Variants in SGK1 observed in about 807,000 individuals in gnomAD.
SGK1 encodes the protein serine/threonine-protein kinase Sgk1.
A neutral mutation model predicts 64.2 loss-of-function variants in SGK1; 26 were observed. That is an observed-to-expected ratio of 0.40 (90% CI 0.30 to 0.56). SGK1 has a LOEUF of 0.56. SGK1 is among the 20% of genes least tolerant of loss of function. The pLI is 0.38. For synonymous variants in SGK1, 265 were observed against 239.7 expected (o/e 1.11, Z -0.98); for missense variants, 519 against 645.6 (o/e 0.80, Z 2.12).
At chr6:134,250,194 A>G (rs769803284) in intron 2 of SGK1, among the ~76,000 whole-genome samples, 3 of 152,230 alleles carry the variant, frequency 2.0e-5, no homozygotes, top group African/African-American at 4.8e-5. Context: ...CTCAAGGCCA[A>G]TGAACATTGG....
intron 1 of SGK1, among the ~76,000 whole-genome samples, chr6:134,277,276 C>A (rs1196473649): frequency 1.3e-5 from 2 of 150,708 alleles, no homozygotes; most frequent in African/African-American, 4.9e-5. Flanking sequence ...GAGCTGAGAT[C>A]GTACCACTGC....
chr6:134,172,342 G>A, intron 9 of SGK1, 26 bp from the exon 10 acceptor site: 2 of 1,600,226 alleles, frequency 1.2e-6, no homozygotes, highest in Non-Finnish European at 1.7e-6. Context: ...TAGAAAAGTA[G>A]TTGCACAAGT....
Position 134,270,975 on chromosome 6 carries a change from G to A in SGK1, c.70-8827C>T, listed in dbSNP as rs562313979. On this transcript the variant is annotated intron_variant, in intron 1 of 13. Transcript: ENST00000367858. ...AGATAAAGTGCAGGAATTCATCAACGTACGTTTTTCTTTGGAAATACAGGT... is the reference window on the plus strand; with the variant it reads ...AGATAAAGTGCAGGAATTCATCAACATACGTTTTTCTTTGGAAATACAGGT... 4.2e-5 allele frequency among the ~76,000 whole-genome samples: 5 copies of A among 119,328 alleles called. No individual in the cohort carries two copies. In the South Asian group the frequency reaches 9.3e-4, roughly 22 times the overall value. The allele number at this position is 119,328 out of a possible 152,430, so 78.3% of individuals were successfully genotyped here.
intron 2 of SGK1, among the ~76,000 whole-genome samples, chr6:134,228,334 TG>T (rs1011455474): frequency 1.3e-5 from 2 of 152,162 alleles, no homozygotes; most frequent in Non-Finnish European, 2.9e-5. Context: ...AATTTTTTTG[TG>T]GGAAAATAGA....
At chr6:134,280,236 C>G (rs1385197978) in intron 1 of SGK1, among the ~76,000 whole-genome samples, 1 of 151,526 alleles carries the variant, frequency 6.6e-6, no homozygotes, top group East Asian at 1.9e-4. Flanking sequence ...TCTTCCTGGC[C>G]CATTCCATCT....
chr6:134,180,178 T>C (rs1006168321), intron 3 of SGK1: 4 of 152,404 alleles, frequency 2.6e-5, no homozygotes, highest in African/African-American at 7.2e-5. Context: ...GGTCTCAAAC[T>C]CCTGGGCTCA....
At chr6:134,313,786 C>T (rs1777640033) in intron 1 of SGK1, among the ~76,000 whole-genome samples, 1 of 151,958 alleles carries the variant, frequency 6.6e-6, no homozygotes, top group Non-Finnish European at 1.5e-5. Flanking sequence ...TTTCACATAC[C>T]TTGTGTATTT....
intron 3 of SGK1, among the ~76,000 whole-genome samples, chr6:134,177,239 ACAAAAAC>A (rs1225609302): frequency 1.3e-5 from 2 of 151,476 alleles, no homozygotes; most frequent in Admixed American, 1.3e-4. Context: ...CAAAAACAAA[ACAAAAAC>A]AAAAACAAAA....
At chr6:134,235,534 T>C (rs1221054974) in intron 2 of SGK1, among the ~76,000 whole-genome samples, 3 of 29,030 alleles carry the variant, frequency 1.0e-4, no homozygotes, top group Non-Finnish European at 2.6e-4. Context: ...GTGGAAAAAA[T>C]AGATATTTTT....
At chr6:134,213,240 G>T (rs1223168707) in intron 2 of SGK1, among the ~76,000 whole-genome samples, 2 of 152,026 alleles carry the variant, frequency 1.3e-5, no homozygotes, top group African/African-American at 4.8e-5. Flanking sequence ...ATAAAGTCTT[G>T]GCCGGGTATG....
At chr6:134,296,849 C>T in intron 1 of SGK1, 2 of 174,776 alleles carry the variant, frequency 1.1e-5, no homozygotes, top group South Asian at 2.2e-4. Context: ...GGTCCCCAAG[C>T]AGTAAACTTC....
At chr6:134,313,303 G>A (rs1777633439) in intron 1 of SGK1, among the ~76,000 whole-genome samples, 1 of 152,020 alleles carries the variant, frequency 6.6e-6, no homozygotes, top group South Asian at 2.1e-4. Context: ...CCAGAAACTC[G>A]AGACCAGCCA....
intron 3 of SGK1, among the ~76,000 whole-genome samples, chr6:134,183,103 C>T (rs1775356705): frequency 6.6e-6 from 1 of 152,172 alleles, no homozygotes; most frequent in Non-Finnish European, 1.5e-5. Context: ...CAAGATCCAG[C>T]TGAACCTAGC....
At chr6:134,208,155 G>A (rs976080903) in intron 2 of SGK1, among the ~76,000 whole-genome samples, 1 of 152,002 alleles carries the variant, frequency 6.6e-6, no homozygotes. Flanking sequence ...CAAATGATCC[G>A]CCCACCTCGG....
chr6:134,212,114 T>C (rs989417318), intron 2 of SGK1, among the ~76,000 whole-genome samples: 6 of 151,514 alleles, frequency 4.0e-5, no homozygotes, highest in South Asian at 2.1e-4. Context: ...AGTGCAGTGG[T>C]GCGATCTCGG....
At chr6:134,241,048 C>CTTTTTTT (rs10686058) in intron 2 of SGK1, among the ~76,000 whole-genome samples, 2 of 74,114 alleles carry the variant, frequency 2.7e-5, no homozygotes, top group African/African-American at 3.4e-5. Context: ...TTCTTTTTTT[C>CTTTTTTT]TTTTTTTTTT....
intron 1 of SGK1, among the ~76,000 whole-genome samples, chr6:134,281,179 C>T (rs2114769988): frequency 6.6e-6 from 1 of 152,322 alleles, no homozygotes; most frequent in South Asian, 2.1e-4. Flanking sequence ...CCCATTCCAA[C>T]TTTCTTATCC....
rs1157937111 is a variant in SGK1 at position 134,290,902 on chromosome 6, A to G, written c.69+26490T>C. Among the ~76,000 whole-genome samples the G allele has an allele frequency of 2.0e-5, 3 of 152,172 alleles. No individual in the cohort carries two copies. In the East Asian group the frequency reaches 5.8e-4, roughly 29 times the overall value. ...TGGCCCATCATTGTTTCTAGCACCT[A>G]GCAGAGGGCTCAGCACATATTCAGT... is the stretch of plus-strand genomic sequence containing the variant. On this transcript the variant is annotated intron_variant, in intron 1 of 13. Coordinates refer to ENST00000367858, the MANE Select transcript of SGK1 (RefSeq NM_001143676.3).
At chr6:134,222,792 C>T (rs1433356389) in intron 2 of SGK1, among the ~76,000 whole-genome samples, 2 of 152,124 alleles carry the variant, frequency 1.3e-5, no homozygotes, top group Non-Finnish European at 2.9e-5. Context: ...AAAACTATGA[C>T]CAGGTTTTCT....
Sources: allele counts gnomAD v4.1 joint callset (sites outside exome capture counted in the v4.1 genomes callset), GRCh38; gene constraint gnomAD v4.1.1; transcripts MANE v1.5; gene names NCBI Gene and HGNC (gene_info 2026-07-23, HGNC 2026-07-21).